The following LINGO2 variants were observed in gnomAD, a reference collection of about 807,000 sequenced individuals.
LINGO2 encodes leucine-rich repeat and immunoglobulin-like domain-containing nogo receptor-interacting protein 2.
Under a neutral mutation model 30.6 loss-of-function variants are expected in LINGO2, and 14 were observed. The ratio of observed to expected loss-of-function variants is 0.46; its 90% confidence interval spans 0.30 to 0.72. LINGO2 has a LOEUF of 0.72. Ranked by LOEUF, LINGO2 falls within the 30% of genes least tolerant of loss-of-function variation. The probability of loss-of-function intolerance (pLI) is 0.07; values close to 1 mark genes in which losing one functional copy is unlikely to be tolerated. For synonymous variants in LINGO2, 317 were observed against 288.5 expected, an observed-to-expected ratio of 1.10 and a Z score of -1.00; for missense variants, 729 against 751.7, an observed-to-expected ratio of 0.97 and a Z score of 0.35.
At chr9:28,345,916 C>T (rs1027260883) in intron 3 of LINGO2, among the ~76,000 whole-genome samples, 2 of 151,938 alleles carry the variant, frequency 1.3e-5, no homozygotes, top group Admixed American at 1.3e-4. Context: ...ATCATGACAG[C>T]GATCCCATTG....
intron 4 of LINGO2, among the ~76,000 whole-genome samples, chr9:28,203,430 G>A (rs543536297): frequency 3.9e-4 from 60 of 152,260 alleles, no homozygotes; most frequent in African/African-American, 1.1e-3. Context: ...ATTACAAAGA[G>A]GGGTATTTCT....
intron 5 of LINGO2, among the ~76,000 whole-genome samples, chr9:27,971,552 T>C (rs1385848986): frequency 6.6e-6 from 1 of 151,994 alleles, no homozygotes; most frequent in Non-Finnish European, 1.5e-5. Context: ...CTGGCTAATT[T>C]TTTTTCTTGT....
chr9:29,061,699 T>C, the LINGO2 span, among the ~76,000 whole-genome samples: 3 of 151,956 alleles, frequency 2.0e-5, no homozygotes, highest in African/African-American at 7.2e-5. Context: ...CATCAAAGGC[T>C]TAAATATAAG....
At chr9:28,632,700 CTA>C (rs1827017536) in intron 1 of LINGO2, among the ~76,000 whole-genome samples, 1 of 127,102 alleles carries the variant, frequency 7.9e-6, no homozygotes, top group East Asian at 2.2e-4. Flanking sequence ...TTATATAGAT[CTA>C]TATATTTATA....
the LINGO2 span, among the ~76,000 whole-genome samples, chr9:28,970,655 T>C: frequency 2.6e-5 from 4 of 152,238 alleles, no homozygotes; most frequent in African/African-American, 9.6e-5. Context: ...CAGACTCAGC[T>C]GACATCCACC....
At chr9:29,005,458 A>C in the LINGO2 span, among the ~76,000 whole-genome samples, 1 of 152,044 alleles carries the variant, frequency 6.6e-6, no homozygotes, top group Non-Finnish European at 1.5e-5. Flanking sequence ...CAACTGCCTT[A>C]TACAAAGTGG....
chr9:28,791,597 CTAAGA>C, the LINGO2 span, among the ~76,000 whole-genome samples: 1 of 151,756 alleles, frequency 6.6e-6, no homozygotes. Flanking sequence ...ATATCTTATC[CTAAGA>C]TAAGAATTGG....
chr9:27,977,798 AAAAGG>A (rs1318044371), intron 5 of LINGO2, among the ~76,000 whole-genome samples: 1 of 151,948 alleles, frequency 6.6e-6, no homozygotes, highest in African/African-American at 2.4e-5. Flanking sequence ...AAGAAAAAAA[AAAAGG>A]AAGAGAAAAC....
intron 1 of LINGO2, among the ~76,000 whole-genome samples, chr9:28,571,979 T>C (rs1331670522): frequency 6.6e-6 from 1 of 152,172 alleles, no homozygotes; most frequent in East Asian, 1.9e-4. Context: ...GGCTTCAGCA[T>C]GCAGGATTGC....
the LINGO2 span, among the ~76,000 whole-genome samples, chr9:28,977,527 T>A: frequency 6.6e-6 from 1 of 152,162 alleles, no homozygotes; most frequent in African/African-American, 2.4e-5. Flanking sequence ...TTTCATACAA[T>A]TTAATTTTCT....
intron 4 of LINGO2, among the ~76,000 whole-genome samples, chr9:28,288,124 T>A (rs1477382917): frequency 6.6e-6 from 1 of 152,114 alleles, no homozygotes; most frequent in African/African-American, 2.4e-5. Flanking sequence ...ATAATCTTTT[T>A]AAAAACATAT....
At chr9:28,789,704 A>G in the LINGO2 span, among the ~76,000 whole-genome samples, 1 of 152,216 alleles carries the variant, frequency 6.6e-6, no homozygotes, top group Non-Finnish European at 1.5e-5. Context: ...CCCAGAGAAA[A>G]CACAAATGAG....
At chr9:28,545,539 G>C (rs1224525620) in intron 1 of LINGO2, among the ~76,000 whole-genome samples, 2 of 151,940 alleles carry the variant, frequency 1.3e-5, no homozygotes, top group African/African-American at 4.8e-5. Flanking sequence ...ATAAACAGAT[G>C]AACAATTAAA....
chr9:28,748,122 C>A, the LINGO2 span, among the ~76,000 whole-genome samples: 1 of 151,706 alleles, frequency 6.6e-6, no homozygotes, highest in Admixed American at 6.6e-5. Flanking sequence ...CACTGGAGCT[C>A]TTTCCAGTAA....
At chr9:28,915,533 G>A in the LINGO2 span, among the ~76,000 whole-genome samples, 1 of 152,132 alleles carries the variant, frequency 6.6e-6, no homozygotes, top group Admixed American at 6.5e-5. Flanking sequence ...TTACATATGT[G>A]TGTTTTCAAG....
chr9:28,262,184 T>C (rs1057117989), intron 4 of LINGO2, among the ~76,000 whole-genome samples: 3 of 151,916 alleles, frequency 2.0e-5, no homozygotes, highest in Admixed American at 6.6e-5. Context: ...ACTTACTTGT[T>C]TGAGTTGTTA....
intron 3 of LINGO2, among the ~76,000 whole-genome samples, chr9:28,348,654 A>G (rs7854656): frequency 0.39 from 59,235 of 150,322 alleles, 11,697 homozygotes; most frequent in South Asian, 0.55. Context: ...ACCACAGCTC[A>G]AGGAGGCCTG....
chr9:28,908,466 G>C, the LINGO2 span, among the ~76,000 whole-genome samples: 1 of 151,852 alleles, frequency 6.6e-6, no homozygotes, highest in African/African-American at 2.4e-5. Flanking sequence ...ACAATACCAT[G>C]TTGGCTGACT....
At position 28,390,923 on chromosome 9, in the gene LINGO2, GA is replaced by G. The variant is rs531917862; in HGVS notation, c.-278-18056del. Among the ~76,000 whole-genome samples the G allele has an allele frequency of 6.7e-4, 101 of 150,484 alleles. 1 individual carries two copies. The highest frequency in any genetic ancestry group is 6.8e-3 in the Middle Eastern group (2 of 294). ...ATTCTTCTATCTTAGTAGCATTAGTGAAAAAAAAAGTCTGATATACTTGACA... is the reference window on the plus strand; with the variant it reads ...ATTCTTCTATCTTAGTAGCATTAGTGAAAAAAAAGTCTGATATACTTGACA... On this transcript the variant is annotated intron_variant, in intron 2 of 5. Transcript: ENST00000379992.
Sources: allele counts gnomAD v4.1 joint callset (sites outside exome capture counted in the v4.1 genomes callset), GRCh38; gene constraint gnomAD v4.1.1; transcripts MANE v1.5; gene names NCBI Gene and HGNC (gene_info 2026-07-23, HGNC 2026-07-21).